AFG2A: variants seen among roughly 807,000 people sequenced by gnomAD.
AFG2A encodes ATPase family gene 2 protein homolog A.
the AFG2A span, among the ~76,000 whole-genome samples, chr4:123,275,082 A>C: frequency 6.6e-6 from 1 of 152,038 alleles, no homozygotes; most frequent in African/African-American, 2.4e-5. Context: ...CAGACCCTTG[A>C]GTGATTGTCT....
chr4:122,962,916 A>G, the AFG2A span, among the ~76,000 whole-genome samples: 4 of 151,954 alleles, frequency 2.6e-5, no homozygotes, highest in Non-Finnish European at 5.9e-5. Flanking sequence ...TTTCTTTTTC[A>G]CCTCTCATCT....
chr4:122,925,964 G>A, the AFG2A span, among the ~76,000 whole-genome samples: 1 of 152,208 alleles, frequency 6.6e-6, no homozygotes, highest in Non-Finnish European at 1.5e-5. Context: ...TACTTAAGGT[G>A]CTCAATAAAT....
the AFG2A span, among the ~76,000 whole-genome samples, chr4:122,978,062 G>A: frequency 3.3e-5 from 5 of 152,112 alleles, no homozygotes; most frequent in African/African-American, 1.2e-4. Flanking sequence ...TGCATGTCCA[G>A]CTCTCAGTGG....
chr4:123,254,623 C>T, the AFG2A span, among the ~76,000 whole-genome samples: 2 of 152,114 alleles, frequency 1.3e-5, no homozygotes, highest in Admixed American at 1.3e-4. Context: ...AATTCACATA[C>T]CATAAAATTC....
the AFG2A span, among the ~76,000 whole-genome samples, chr4:123,020,872 A>T: frequency 1.3e-5 from 2 of 152,134 alleles, no homozygotes; most frequent in Admixed American, 1.3e-4. Flanking sequence ...TTTTGGGAGG[A>T]TAGTCTAGGA....
the AFG2A span, among the ~76,000 whole-genome samples, chr4:123,152,074 C>T: frequency 1.4e-5 from 2 of 143,610 alleles, no homozygotes; most frequent in African/African-American, 5.2e-5. Context: ...GGGAGTTGAA[C>T]AATGAGAACA....
At chr4:123,147,418 TCAGTAC>T in the AFG2A span, among the ~76,000 whole-genome samples, 1 of 152,134 alleles carries the variant, frequency 6.6e-6, no homozygotes, top group Admixed American at 6.5e-5. Context: ...AAACTGGTAC[TCAGTAC>T]CAGTTTACTG....
the AFG2A span, among the ~76,000 whole-genome samples, chr4:123,255,842 G>A: frequency 2.7e-5 from 4 of 148,474 alleles, no homozygotes; most frequent in African/African-American, 7.4e-5. Context: ...AAGTACTCTT[G>A]ACATTGTTTG....
chr4:123,255,038 A>G, the AFG2A span, among the ~76,000 whole-genome samples: 1 of 151,918 alleles, frequency 6.6e-6, no homozygotes, highest in African/African-American at 2.4e-5. Flanking sequence ...ATCTTGGTTT[A>G]CTGCAACCTC....
the AFG2A span, among the ~76,000 whole-genome samples, chr4:123,124,191 A>G: frequency 3.9e-5 from 6 of 152,260 alleles, no homozygotes; most frequent in Admixed American, 3.9e-4. Context: ...ATGCACACGT[A>G]TGTTTATTGC....
At chr4:123,314,703 A>C in the AFG2A span, 1 of 151,760 alleles carries the variant, frequency 6.6e-6, no homozygotes, top group Non-Finnish European at 1.5e-5. Context: ...TGAAAGTGTA[A>C]GCCCACTCTA....
the AFG2A span, among the ~76,000 whole-genome samples, chr4:123,206,592 G>T: frequency 6.2e-4 from 94 of 152,084 alleles, no homozygotes; most frequent in Non-Finnish European, 1.1e-3. Context: ...TAGCTGTCCA[G>T]GAACAGCTAT....
the AFG2A span, among the ~76,000 whole-genome samples, chr4:123,294,040 G>A: frequency 1.8e-4 from 27 of 152,288 alleles, no homozygotes; most frequent in African/African-American, 6.3e-4. Context: ...TTGGTCACCC[G>A]TGTCTCTTAT....
chr4:122,972,714 A>G, the AFG2A span, among the ~76,000 whole-genome samples: 2 of 151,924 alleles, frequency 1.3e-5, no homozygotes, highest in Non-Finnish European at 2.9e-5. Context: ...CTGATTTTCA[A>G]ATATTTGTGT....
At chr4:122,923,345 G>T in the AFG2A span, 1 of 1,610,534 alleles carries the variant, frequency 6.2e-7, no homozygotes, top group African/African-American at 1.3e-5. Context: ...CCGAGGGGGC[G>T]CAACCTGAGG....
chr4:122,943,255 A>G, the AFG2A span, among the ~76,000 whole-genome samples: 1 of 152,000 alleles, frequency 6.6e-6, no homozygotes, highest in Non-Finnish European at 1.5e-5. Flanking sequence ...TCCCATTATT[A>G]TTGTGTGGGC....
chr4:123,077,758 AC>A, the AFG2A span, among the ~76,000 whole-genome samples: 2 of 152,108 alleles, frequency 1.3e-5, no homozygotes, highest in African/African-American at 2.4e-5. Context: ...TGAAGCTCTA[AC>A]CAAACCTACT....
chr4:122,950,073 T>C, the AFG2A span, among the ~76,000 whole-genome samples: 2 of 152,232 alleles, frequency 1.3e-5, no homozygotes, highest in Non-Finnish European at 2.9e-5. Context: ...TGTATCCTGA[T>C]GGTCGTATCA....
the AFG2A span, among the ~76,000 whole-genome samples, chr4:123,293,825 C>T: frequency 6.6e-6 from 1 of 152,216 alleles, no homozygotes; most frequent in Non-Finnish European, 1.5e-5. Flanking sequence ...GCTGAGAGCA[C>T]TCCCACCTAC....
Sources: gnomAD v4.1 joint callset for allele counts (sites outside exome capture counted in the v4.1 genomes callset) on GRCh38, gnomAD v4.1.1 for gene constraint, MANE v1.5 for transcripts, NCBI Gene and HGNC (gene_info 2026-07-23, HGNC 2026-07-21) for gene names.